Variants in OSBPL5 observed in about 807,000 individuals in gnomAD.
OSBPL5 encodes oxysterol-binding protein-related protein 5.
A neutral mutation model predicts 111.2 loss-of-function variants in OSBPL5; 71 were observed. That is an observed-to-expected ratio of 0.64 (90% CI 0.53 to 0.78). The LOEUF (loss-of-function observed/expected upper bound fraction) is 0.78. Ranked by LOEUF, OSBPL5 falls within the 30% of genes least tolerant of loss-of-function variation. The probability of loss-of-function intolerance (pLI) is 0.00; values close to 1 mark genes in which losing one functional copy is unlikely to be tolerated. For synonymous variants in OSBPL5, 549 were observed against 513.9 expected (o/e 1.07, Z -0.93); for missense variants, 1,210 against 1,189.3 (o/e 1.02, Z -0.26).
chr11:3,103,201 G>C, intron 11 of OSBPL5, 38 bp downstream of exon 11: 1 of 1,550,034 alleles, frequency 6.5e-7, no homozygotes, highest in Non-Finnish European at 8.8e-7. Context: ...CAGACTCCTG[G>C]GCCGGAGCCC....
intron 7 of OSBPL5, among the ~76,000 whole-genome samples, chr11:3,112,706 T>A (rs1429713858): frequency 2.0e-5 from 3 of 152,186 alleles, no homozygotes; most frequent in Non-Finnish European, 2.9e-5. Context: ...AAATGATAGG[T>A]AGTCCCTACT....
intron 12 of OSBPL5, 71 bp from the exon 13 acceptor site, chr11:3,101,770 C>T (rs1857465308): frequency 7.5e-7 from 1 of 1,333,958 alleles, no homozygotes; most frequent in South Asian, 1.2e-5. Flanking sequence ...AGCCCAGCTT[C>T]CCCCAAAAAA....
chr11:3,113,610 C>T lies in OSBPL5; in HGVS notation c.692-5665G>A, dbSNP rs1004288268. Among the ~76,000 whole-genome samples the T allele has an allele frequency of 1.3e-5, 2 of 151,596 alleles. No individual in the cohort carries two copies. The highest frequency in any genetic ancestry group is 4.9e-5 in the African/African-American group (2 of 41,202). Reference sequence around the variant, plus strand: ...CAGAGGTAACAGTGAGCCAAGATCGCACCACTGCACTCCAGCCTGGGAGAC... The same window carrying T: ...CAGAGGTAACAGTGAGCCAAGATCGTACCACTGCACTCCAGCCTGGGAGAC... On this transcript the variant is annotated intron_variant, in intron 7 of 21. Transcript: ENST00000263650. The surrounding 1 kb of genome is among the most constrained non-coding windows in gnomAD (Gnocchi z 4.8).
rs752560817 is a variant in OSBPL5, at chr11:3,097,789, G to A, written c.1621+2369C>T. Reference sequence around the variant, plus strand: ...GAGTATAAAAAGAACAGGCAAGGCCGAGCGCACTGGCTCACACCTGTAATC... The same window carrying A: ...GAGTATAAAAAGAACAGGCAAGGCCAAGCGCACTGGCTCACACCTGTAATC... On this transcript the variant is annotated intron_variant, in intron 14 of 21. Transcript: ENST00000263650. Among the ~76,000 whole-genome samples the A allele has an allele frequency of 3.3e-5, 5 of 152,176 alleles. 1 individual carries two copies. The highest frequency in any genetic ancestry group is 7.2e-5 in the African/African-American group (3 of 41,438).
intron 7 of OSBPL5, among the ~76,000 whole-genome samples, chr11:3,114,284 T>G (rs1332061381): frequency 6.6e-6 from 1 of 152,042 alleles, no homozygotes; most frequent in Non-Finnish European, 1.5e-5. Context: ...TATAAAAAAG[T>G]GTTTTTTGGT....
chr11:3,108,615 C>A (rs1857796824), intron 7 of OSBPL5, among the ~76,000 whole-genome samples: 1 of 152,226 alleles, frequency 6.6e-6, no homozygotes. Flanking sequence ...TGCCCTGCTG[C>A]CTTCCTAAGC....
intron 10 of OSBPL5, among the ~76,000 whole-genome samples, chr11:3,103,817 TGC>T (rs1318900766): frequency 0.015 from 382 of 26,060 alleles, 7 homozygotes; most frequent in South Asian, 0.037. Context: ...TCTTCCTGCC[TGC>T]GCAGCCCCCT....
intron 1 of OSBPL5, among the ~76,000 whole-genome samples, chr11:3,160,672 T>TCC (rs71035491): frequency 9.8e-5 from 12 of 122,536 alleles, no homozygotes; most frequent in South Asian, 3.2e-4. Flanking sequence ...ATGACAACCC[T>TCC]CCCCCCCCCC....
In OSBPL5 at chr11:3,154,745, C is replaced by A. The variant is rs571750008; in HGVS notation, c.-22+10471G>T. ...CTCAATCCATGTGTTGATGTCTCAG[C>A]CCCTAGGACCTGAGAAAGCGGCTGT... On this transcript the variant is annotated intron_variant, in intron 1 of 21. Coordinates refer to ENST00000263650, the MANE Select transcript of OSBPL5 (RefSeq NM_020896.4). The surrounding 1 kb of genome is among the most constrained non-coding windows in gnomAD (Gnocchi z 4.9). Among the ~76,000 whole-genome samples, 17 of 152,230 alleles carry A rather than the reference C, an allele frequency of 1.1e-4. No individual in the cohort carries two copies. Among genetic ancestry groups the A allele is most frequent in the African/African-American group, 3.9e-4 (16 of 41,510 alleles).
intron 3 of OSBPL5, among the ~76,000 whole-genome samples, chr11:3,125,432 C>T (rs959417322): frequency 2.6e-5 from 4 of 152,104 alleles, no homozygotes; most frequent in Admixed American, 1.3e-4. Context: ...AATGGGTGCA[C>T]GAAGATGTTC....
rs960508685 is a variant in OSBPL5 at position 3,146,414 on chromosome 11, T to G, written c.-21-17245A>C. On this transcript the variant is annotated intron_variant, in intron 1 of 21. Coordinates refer to ENST00000263650, the MANE Select transcript of OSBPL5 (RefSeq NM_020896.4). The surrounding 1 kb of genome is among the most constrained non-coding windows in gnomAD (Gnocchi z 7.8). Reference sequence around the variant, plus strand: ...TCGTTTGTGGATTCCTCTACAGGATTTGGGGGTACCTCTGAGAGTGGGGGA... The same window carrying G: ...TCGTTTGTGGATTCCTCTACAGGATGTGGGGGTACCTCTGAGAGTGGGGGA... 1 of 152,228 alleles carries G rather than the reference T, an allele frequency of 6.6e-6. No homozygotes were observed. Among genetic ancestry groups the G allele is most frequent in the Non-Finnish European group, 1.5e-5 (1 of 68,160 alleles). The allele number at this position is 152,228 out of a possible 1,614,324, so 9.4% of individuals were successfully genotyped here.
At position 3,120,646 on chromosome 11, in the gene OSBPL5, C is replaced by T. The variant is rs112796009; in HGVS notation, c.403-22G>A. The T allele has an allele frequency of 1.6e-5, 25 of 1,608,162 alleles. 1 individual carries two copies. Among genetic ancestry groups the T allele is most frequent in the South Asian group, 1.4e-4 (13 of 90,996 alleles). ...GGATCTGCAGGGAGGATGCTGGCGT[C>T]GATGCCCACCCTCTGGGGCCGCCAT... On this transcript the variant is annotated intron_variant, in intron 5 of 21. Transcript: ENST00000263650.
chr11:3,090,534 G>A (rs781781038), intron 20 of OSBPL5, 24 bp downstream of exon 20: 2 of 1,607,104 alleles, frequency 1.2e-6, no homozygotes, highest in Admixed American at 3.3e-5. Context: ...CAGAGGCCTT[G>A]GGGCTGGGCC....
chr11:3,092,892 G>C lies in OSBPL5; in HGVS notation c.2107C>G (p.Gln703Glu). 1 of 1,556,246 alleles carries C rather than the reference G, an allele frequency of 6.4e-7. No individual in the cohort carries two copies. The highest frequency in any genetic ancestry group is 8.7e-7 in the Non-Finnish European group (1 of 1,149,222). The change falls in exon 18 of 22, where the codon CAG becomes GAG. Residue 703 changes from glutamine to glutamate, a missense_variant. Physicochemically the swap from Gln to Glu is conservative, Grantham distance 29. Transcript: ENST00000263650. This position sits in a 1 kb window ranked among gnomAD's most constrained non-coding sequence, Gnocchi z 5.4. ...TCCTCGTATCGGTAGTGCCACTCCT[G>C]GGTGATGGGGTCCAGGTGGAACAGC... ...PQLFHLDPIT[Q>E]EWHYRYEDHS...
rs1846385614 is a variant in OSBPL5, at chr11:3,147,201, CAG to C, written c.-22+18013_-22+18014del. Among the ~76,000 whole-genome samples, 4 of 152,344 alleles carry C rather than the reference CAG, an allele frequency of 2.6e-5. No homozygotes were observed. In the South Asian group the frequency reaches 8.3e-4, roughly 32 times the overall value. ...AGTGCTGGACTTGGGACTCCTGCTC[CAG>C]AGTCAGGGGCTAGGGCTGGGCCGGG... On this transcript the variant is annotated intron_variant, in intron 1 of 21. Transcript: ENST00000263650.
chr11:3,101,661 G>A lies in OSBPL5; in HGVS notation c.1464C>T (p.Ser488=). The A allele has an allele frequency of 3.7e-6, 6 of 1,613,942 alleles. No homozygotes were observed. The highest frequency in any genetic ancestry group is 5.1e-6 in the Non-Finnish European group (6 of 1,179,998). ...TGATGCAGAAGCCGTCCTTCCGGTT[G>A]CTGACGTGGAAGGCAGACACGGGCG... ...HHPPVSAFHV[S]NRKDGFCISG... The change falls in exon 13 of 22, where the codon AGC becomes AGT. Residue 488 remains serine (S), a synonymous_variant. Coordinates refer to ENST00000263650, the MANE Select transcript of OSBPL5 (RefSeq NM_020896.4).
intron 4 of OSBPL5, 51 bp downstream of exon 4, chr11:3,122,297 G>A: frequency 6.4e-7 from 1 of 1,572,896 alleles, no homozygotes; most frequent in Non-Finnish European, 8.7e-7. Context: ...GGCTCAGGTG[G>A]CCGTCGGTCT....
chr11:3,092,948 C>A lies in OSBPL5; in HGVS notation c.2051G>T (p.Arg684Leu), dbSNP rs375478360. ...EEAQRQRARE[R>L]QESLMPWKPQ... ...CTTCCAGGGCATGAGGCTCTCCTGCCGCTCACGGGCCCGCTGCCGCTGTGC... is the reference window on the plus strand; with the variant it reads ...CTTCCAGGGCATGAGGCTCTCCTGCAGCTCACGGGCCCGCTGCCGCTGTGC... Residue 684 changes from arginine to leucine, a missense_variant, in exon 18 of 22, where the codon CGG becomes CTG. Arg to Leu is a moderately radical substitution (Grantham distance 102, BLOSUM62 -2). Coordinates refer to ENST00000263650, the MANE Select transcript of OSBPL5 (RefSeq NM_020896.4). The surrounding 1 kb of genome is among the most constrained non-coding windows in gnomAD (Gnocchi z 5.4). 1.9e-6 allele frequency: 3 copies of A among 1,585,032 alleles called. No homozygotes were observed. The highest frequency in any genetic ancestry group is 2.6e-6 in the Non-Finnish European group (3 of 1,166,760).
rs1312373084 is a variant in OSBPL5 at position 3,122,034 on chromosome 11, G to A, written c.365C>T (p.Thr122Ile). The change falls in exon 5 of 22, where the codon ACA becomes ATA. Residue 122 changes from threonine (T) to isoleucine (I), a missense_variant. Thr to Ile is a moderately conservative substitution (Grantham distance 89). Coordinates refer to ENST00000263650, the MANE Select transcript of OSBPL5 (RefSeq NM_020896.4). ...RATRQLLSALTDPSVVIMADS... is the reference protein window; with the variant it reads ...RATRQLLSALIDPSVVIMADS... ...AGCCATGATGACCACGCTGGGGTCT[G>A]TCAGAGCGCTGAGCAGCTGCCGTGT... 1 of 1,581,990 alleles carries A rather than the reference G, an allele frequency of 6.3e-7. No individual in the cohort carries two copies. The highest frequency in any genetic ancestry group is 8.6e-7 in the Non-Finnish European group (1 of 1,168,422).
Sources: allele counts gnomAD v4.1 joint callset (sites outside exome capture counted in the v4.1 genomes callset), GRCh38; gene constraint gnomAD v4.1.1; non-coding constraint Gnocchi (gnomAD v3.1); transcripts MANE v1.5; gene names NCBI Gene and HGNC (gene_info 2026-07-23, HGNC 2026-07-21).